PLD5: variants seen among roughly 807,000 people sequenced by gnomAD.
The protein encoded by PLD5 is inactive phospholipase D5.
A neutral mutation model predicts 61.1 loss-of-function variants in PLD5; 36 were observed. The ratio of observed to expected loss-of-function variants is 0.59; its 90% CI spans 0.45 to 0.78. The LOEUF (loss-of-function observed/expected upper bound fraction) is 0.78. Among genes scored for constraint, PLD5 ranks in the 30% least tolerant of loss-of-function variants. The pLI, the probability that PLD5 is intolerant of heterozygous loss-of-function variation, is 0.00. For missense variants in PLD5, 515 were observed against 644.4 expected (o/e 0.80, Z 2.17); for synonymous variants, 243 against 242.8 (o/e 1.00, Z -0.01).
intron 1 of PLD5, among the ~76,000 whole-genome samples, chr1:242,419,572 ATTTTTTTTTTTTT>A: frequency 1.0e-5 from 1 of 97,090 alleles, no homozygotes; most frequent in South Asian, 3.6e-4. Context: ...AATTTTTTGC[ATTTTTTTTTTTTT>A]TTTTTTTTTA....
intron 3 of PLD5, among the ~76,000 whole-genome samples, chr1:242,272,398 T>C (rs1388951461): frequency 6.6e-6 from 1 of 152,158 alleles, no homozygotes; most frequent in Admixed American, 6.5e-5. Flanking sequence ...AACTTGATTA[T>C]ATGTATACTT....
intron 4 of PLD5, among the ~76,000 whole-genome samples, chr1:242,253,144 G>A (rs1420604148): frequency 2.3e-5 from 3 of 129,774 alleles, no homozygotes; most frequent in Admixed American, 1.5e-4. Flanking sequence ...TTTTGAGGCA[G>A]GGTCTCACTC....
intron 1 of PLD5, among the ~76,000 whole-genome samples, chr1:242,444,978 C>T (rs1420920243): frequency 1.3e-5 from 2 of 152,126 alleles, no homozygotes; most frequent in South Asian, 2.1e-4. Flanking sequence ...CAGCTTTTCT[C>T]TTAAGTTATG....
At chr1:242,165,903 G>A (rs1666270188) in intron 5 of PLD5, among the ~76,000 whole-genome samples, 1 of 152,164 alleles carries the variant, frequency 6.6e-6, no homozygotes, top group Non-Finnish European at 1.5e-5. Flanking sequence ...CTATTCCCTT[G>A]TACAAACTAC....
intron 5 of PLD5, among the ~76,000 whole-genome samples, chr1:242,143,936 G>A (rs569339954): frequency 6.6e-6 from 1 of 151,756 alleles, no homozygotes; most frequent in East Asian, 1.9e-4. Context: ...CCCCTGCCAG[G>A]TTCAAGCGAT....
At position 242,100,761 on chromosome 1, in the gene PLD5, CTCTT is replaced by C; in HGVS notation, c.1257_1260del (p.Glu421MetfsTer16). 6.2e-7 allele frequency: 1 copy of C among 1,613,098 alleles called. No individual in the cohort carries two copies. The highest frequency in any genetic ancestry group is 8.5e-7 in the Non-Finnish European group (1 of 1,179,690). ...TGTTCTTTTGTAGCACAAGCATTCT[CTCTT>C]TCCAGATCAAAAAATTTCTGTAAGA... On this transcript the variant is annotated frameshift_variant, in exon 9 of 10. Transcript: ENST00000536534. LOFTEE classifies it high-confidence loss of function.
intron 5 of PLD5, among the ~76,000 whole-genome samples, chr1:242,168,833 TTTAA>T (rs1338838037): frequency 7.2e-6 from 1 of 138,490 alleles, no homozygotes; most frequent in Non-Finnish European, 1.5e-5. Flanking sequence ...CATGACAGTT[TTTAA>T]TTAATGAAGT....
At chr1:242,409,911 T>C (rs954537052) in intron 1 of PLD5, among the ~76,000 whole-genome samples, 4 of 152,216 alleles carry the variant, frequency 2.6e-5, no homozygotes, top group Non-Finnish European at 4.4e-5. Context: ...CAGTTTCTAA[T>C]GGCCCACACT....
In PLD5 at chr1:242,460,510, T is replaced by C. The variant is rs550166324; in HGVS notation, c.189+63578A>G. Among the ~76,000 whole-genome samples the C allele has an allele frequency of 1.9e-4, 29 of 152,286 alleles. No homozygotes were observed. In the South Asian group the frequency reaches 5.8e-3, roughly 31 times the overall value. On this transcript the variant is annotated intron_variant, in intron 1 of 9. Transcript: ENST00000536534. ...TCTTATAGTCCCATGTTCAACACTC[T>C]AGGCTTTCAAACTTGATTTGAGAAT...
At chr1:242,404,907 T>G (rs1330403831) in intron 1 of PLD5, among the ~76,000 whole-genome samples, 2 of 136,592 alleles carry the variant, frequency 1.5e-5, no homozygotes, top group Non-Finnish European at 3.1e-5. Context: ...TGAGATGTAG[T>G]CTCACTCTGT....
chr1:242,437,610 T>A (rs1034729172), intron 1 of PLD5, among the ~76,000 whole-genome samples: 1 of 151,942 alleles, frequency 6.6e-6, no homozygotes, highest in Non-Finnish European at 1.5e-5. Flanking sequence ...GGTAGGAGAA[T>A]CACTTGAACC....
At chr1:242,327,829 T>C (rs1365737722) in intron 2 of PLD5, among the ~76,000 whole-genome samples, 6 of 152,174 alleles carry the variant, frequency 3.9e-5, no homozygotes, top group Admixed American at 1.3e-4. Context: ...CAGTGGCTTA[T>C]GCCTGTAATC....
At chr1:242,484,507 AG>A (rs1285680256) in intron 1 of PLD5, among the ~76,000 whole-genome samples, 2 of 152,234 alleles carry the variant, frequency 1.3e-5, no homozygotes, top group African/African-American at 2.4e-5. Context: ...AGACTAAACC[AG>A]GAAGAAGTTG....
chr1:242,090,253 C>A, intron 9 of PLD5, 143 bp from the exon 10 acceptor site: 4 of 1,082,318 alleles, frequency 3.7e-6, no homozygotes, highest in Non-Finnish European at 2.6e-6. Flanking sequence ...TTGACAGCTC[C>A]GAAAAAAAAA....
intron 1 of PLD5, among the ~76,000 whole-genome samples, chr1:242,414,207 A>C (rs1664704378): frequency 6.6e-6 from 1 of 152,234 alleles, no homozygotes; most frequent in Non-Finnish European, 1.5e-5. Flanking sequence ...GGGAGTTAAG[A>C]CTGACAATAA....
At chr1:242,519,624 G>A (rs904548533) in intron 1 of PLD5, among the ~76,000 whole-genome samples, 1 of 152,228 alleles carries the variant, frequency 6.6e-6, no homozygotes, top group African/African-American at 2.4e-5. Context: ...AGAGGTTGGA[G>A]AGAGGACAAA....
intron 5 of PLD5, among the ~76,000 whole-genome samples, chr1:242,166,258 A>G (rs1164684044): frequency 6.6e-6 from 1 of 152,062 alleles, no homozygotes; most frequent in African/African-American, 2.4e-5. Context: ...TATATGAGAG[A>G]CCCTCCTGGT....
intron 1 of PLD5, among the ~76,000 whole-genome samples, chr1:242,383,363 A>G (rs946717865): frequency 1.3e-5 from 2 of 152,106 alleles, no homozygotes; most frequent in Admixed American, 6.6e-5. Flanking sequence ...AGACTTTAGT[A>G]TATTTAAGAA....
intron 2 of PLD5, among the ~76,000 whole-genome samples, chr1:242,314,541 C>CT (rs1451496964): frequency 1.3e-5 from 2 of 152,228 alleles, no homozygotes; most frequent in African/African-American, 4.8e-5. Context: ...CGAACTAGGG[C>CT]TTGCCTTTGT....
Sources: gnomAD v4.1 joint callset for allele counts (sites outside exome capture counted in the v4.1 genomes callset) on GRCh38, gnomAD v4.1.1 for gene constraint, MANE v1.5 for transcripts, NCBI Gene and HGNC (gene_info 2026-07-23, HGNC 2026-07-21) for gene names.